EEPD1: variants seen among roughly 807,000 people sequenced by gnomAD.
EEPD1 encodes endonuclease/exonuclease/phosphatase family domain containing 1.
EEPD1 carries 17 observed loss-of-function variants against 46.3 expected under a neutral mutation model. That is an observed-to-expected ratio of 0.37 (90% CI 0.25 to 0.55). The LOEUF (loss-of-function observed/expected upper bound fraction) is 0.55, where lower values mean the gene tolerates loss of function less well. Among genes scored for constraint, EEPD1 ranks in the 20% least tolerant of loss-of-function variants. The pLI is 0.83. For synonymous variants in EEPD1, 313 were observed against 315.6 expected (o/e 0.99, Z 0.09); for missense variants, 673 against 745.6 (o/e 0.90, Z 1.13).
Position 36,256,485 on chromosome 7 carries a change from C to T in EEPD1, c.930+17449C>T, listed in dbSNP as rs1229134394. Among the ~76,000 whole-genome samples the T allele has an allele frequency of 2.0e-5, 3 of 152,252 alleles. No individual in the cohort carries two copies. In the East Asian group the frequency reaches 5.8e-4, roughly 29 times the overall value. Reference sequence around the variant, plus strand: ...CTCTTTATAGGTCTCTAAGAACTTGCTTTGTAAATCTGGGTGCTCCCGTAT... The same window carrying T: ...CTCTTTATAGGTCTCTAAGAACTTGTTTTGTAAATCTGGGTGCTCCCGTAT... On this transcript the variant is annotated intron_variant, in intron 3 of 7. Transcript: ENST00000242108.
chr7:36,219,806 A>AGAGAGAGAGT (rs1341203087), intron 2 of EEPD1, among the ~76,000 whole-genome samples: 2 of 75,398 alleles, frequency 2.7e-5, no homozygotes, highest in Admixed American at 1.7e-4. Context: ...AGAGAGAGAG[A>AGAGAGAGAGT]GTGTGTGTGT....
intron 3 of EEPD1, among the ~76,000 whole-genome samples, chr7:36,246,652 C>G (rs1387837956): frequency 6.6e-6 from 1 of 151,952 alleles, no homozygotes; most frequent in African/African-American, 2.4e-5. Context: ...GCCAAATTGT[C>G]TAGGAAAAGA....
intron 2 of EEPD1, among the ~76,000 whole-genome samples, chr7:36,181,019 A>G (rs939786640): frequency 9.2e-5 from 14 of 152,128 alleles, no homozygotes; most frequent in Non-Finnish European, 1.9e-4. Flanking sequence ...CTGTAGAAGG[A>G]TTCCCCAGGG....
intron 2 of EEPD1, among the ~76,000 whole-genome samples, chr7:36,209,911 T>C (rs1057121680): frequency 2.0e-5 from 3 of 152,020 alleles, no homozygotes; most frequent in African/African-American, 4.8e-5. Flanking sequence ...GGGGCAAACA[T>C]CCAAACTATA....
chr7:36,272,197 A>T (rs1156424578), intron 3 of EEPD1, among the ~76,000 whole-genome samples: 2 of 31,872 alleles, frequency 6.3e-5, no homozygotes, highest in East Asian at 9.8e-4. Context: ...ATTTAAAGAT[A>T]AAAAAAAAAG....
At position 36,172,465 on chromosome 7, in the gene EEPD1, C is replaced by T. The variant is rs942184963; in HGVS notation, c.878+17263C>T. On this transcript the variant is annotated intron_variant, in intron 2 of 7. Transcript: ENST00000242108. ...CATGGAAGCTCTGTGCCCCTTCTGC[C>T]GTACCTTGCCCTATGCATCCCTTCA... is the stretch of plus-strand genomic sequence containing the variant. 2.6e-5 allele frequency among the ~76,000 whole-genome samples: 4 copies of T among 152,136 alleles called. No homozygotes were observed. In the East Asian group the frequency reaches 5.8e-4, roughly 22 times the overall value.
intron 2 of EEPD1, among the ~76,000 whole-genome samples, chr7:36,221,572 C>T (rs1786146211): frequency 6.6e-6 from 1 of 152,198 alleles, no homozygotes; most frequent in Admixed American, 6.5e-5. Flanking sequence ...CTGAACTCAG[C>T]AATTCCACCG....
At chr7:36,298,965 C>G (rs370966145) in intron 7 of EEPD1, 42 bp from the exon 8 acceptor site, 3 of 1,602,424 alleles carry the variant, frequency 1.9e-6, no homozygotes, top group Non-Finnish European at 2.6e-6. Flanking sequence ...GCACCCAACC[C>G]CCCATCCTGA....
At chr7:36,277,766 G>A (rs957875582) in intron 3 of EEPD1, among the ~76,000 whole-genome samples, 2 of 152,066 alleles carry the variant, frequency 1.3e-5, no homozygotes, top group Non-Finnish European at 2.9e-5. Context: ...CTCCCTCGTC[G>A]CTCAAGTTAT....
intron 2 of EEPD1, among the ~76,000 whole-genome samples, chr7:36,197,523 G>A (rs1785628542): frequency 6.6e-6 from 1 of 152,246 alleles, no homozygotes; most frequent in African/African-American, 2.4e-5. Context: ...CCGTGTCTGT[G>A]TAGAAAGAGG....
intron 3 of EEPD1, among the ~76,000 whole-genome samples, chr7:36,242,934 A>C (rs1786578432): frequency 6.6e-6 from 1 of 152,136 alleles, no homozygotes. Context: ...GTCTCAAAAA[A>C]TAAAGGATTG....
rs1223871838 is a variant in EEPD1, at chr7:36,299,174, C to T, written c.1678C>T (p.Arg560Ter). ...PRNGSGVALE[R>*]SEANIKHER ...GAACGGCAGCGGGGTGGCCTTGGAG[C>T]GAAGTGAAGCCAACATCAAGCACGA... The change falls in exon 8 of 8, where the codon CGA becomes TGA. Residue 560 changes from arginine to a stop codon, truncating the protein, a stop_gained. Coordinates refer to ENST00000242108, the MANE Select transcript of EEPD1 (RefSeq NM_030636.3). LOFTEE classifies it high-confidence loss of function. 13 of 1,614,016 alleles carry T rather than the reference C, an allele frequency of 8.1e-6. No homozygotes were observed. Among genetic ancestry groups the T allele is most frequent in the East Asian group, 2.2e-5 (1 of 44,888 alleles).
intron 2 of EEPD1, among the ~76,000 whole-genome samples, chr7:36,176,250 G>T (rs185405292): frequency 6.6e-6 from 1 of 152,344 alleles, no homozygotes; most frequent in Admixed American, 6.5e-5. Flanking sequence ...AGGCCTGCTG[G>T]TGGTGGCTGG....
chr7:36,156,925 A>T (rs1053436857), intron 2 of EEPD1, among the ~76,000 whole-genome samples: 1 of 152,008 alleles, frequency 6.6e-6, no homozygotes, highest in African/African-American at 2.4e-5. Context: ...GGCCCTCCAT[A>T]CCTGTGGGTT....
Position 36,281,180 on chromosome 7 carries a change from C to T in EEPD1, c.996C>T (p.Cys332=). The change falls in exon 4 of 8, where the codon TGC becomes TGT. Residue 332 remains cysteine, a synonymous_variant. Coordinates refer to ENST00000242108, the MANE Select transcript of EEPD1 (RefSeq NM_030636.3). ...GCAAGTGGAAGGGGCCCCGGGGATG[C>T]TGGAAGGCTGTTGTTGCTGAGAAGC... The part of the protein sequence containing the change: ...NIRKWKGPRG[C]WKAVVAEKPS... 1 of 1,614,190 alleles carries T rather than the reference C, an allele frequency of 6.2e-7. No homozygotes were observed. Among genetic ancestry groups the T allele is most frequent in the Non-Finnish European group, 8.5e-7 (1 of 1,180,044 alleles).
At chr7:36,281,295 C>T in intron 4 of EEPD1, 70 bp downstream of exon 4, 1 of 1,389,564 alleles carries the variant, frequency 7.2e-7, no homozygotes, top group Non-Finnish European at 1.0e-6. Context: ...TAATCAAGGG[C>T]ATTTAAAAAT....
intron 3 of EEPD1, among the ~76,000 whole-genome samples, chr7:36,254,374 C>T (rs1450829484): frequency 6.6e-6 from 1 of 152,154 alleles, no homozygotes; most frequent in Non-Finnish European, 1.5e-5. Context: ...TGAAAACATG[C>T]AGTGTTTTGT....
At chr7:36,185,906 A>T (rs1785353784) in intron 2 of EEPD1, among the ~76,000 whole-genome samples, 1 of 152,210 alleles carries the variant, frequency 6.6e-6, no homozygotes, top group Non-Finnish European at 1.5e-5. Flanking sequence ...GTACAGCATA[A>T]ATCAGAATAT....
intron 3 of EEPD1, among the ~76,000 whole-genome samples, chr7:36,266,955 G>A (rs1787029035): frequency 6.6e-6 from 1 of 152,178 alleles, no homozygotes; most frequent in Non-Finnish European, 1.5e-5. Context: ...ATACCACATT[G>A]TGTTTCTCCA....
Sources: allele counts gnomAD v4.1 joint callset (sites outside exome capture counted in the v4.1 genomes callset), GRCh38; gene constraint gnomAD v4.1.1; transcripts MANE v1.5; gene names NCBI Gene and HGNC (gene_info 2026-07-23, HGNC 2026-07-21).